GABRB2: variants seen among roughly 807,000 people sequenced by gnomAD.
GABRB2 encodes the protein gamma-aminobutyric acid type A receptor subunit beta2, also known as gamma-aminobutyric acid receptor subunit beta-2.
A neutral mutation model predicts 54.7 loss-of-function variants in GABRB2; 16 were observed. The ratio of observed to expected loss-of-function variants is 0.29; its 90% CI spans 0.20 to 0.44. The LOEUF (loss-of-function observed/expected upper bound fraction) is 0.44. Ranked by LOEUF, GABRB2 falls within the 20% of genes least tolerant of loss-of-function variation. The pLI is 1.00. For missense variants in GABRB2, 355 were observed against 644.0 expected, an observed-to-expected ratio of 0.55 and a Z score of 4.86; for synonymous variants, 244 against 233.8, an observed-to-expected ratio of 1.04 and a Z score of -0.40.
intron 4 of GABRB2, among the ~76,000 whole-genome samples, chr5:161,426,833 C>T (rs768242213): frequency 2.6e-5 from 4 of 151,954 alleles, no homozygotes; most frequent in African/African-American, 9.7e-5. Flanking sequence ...AAAGCGATCA[C>T]ACTTGATCTC....
At chr5:161,450,376 T>C (rs1757757347) in intron 4 of GABRB2, among the ~76,000 whole-genome samples, 1 of 152,198 alleles carries the variant, frequency 6.6e-6, no homozygotes, top group Non-Finnish European at 1.5e-5. Context: ...CCTCTTTAAG[T>C]GTTTTTTATT....
chr5:161,431,207 A>C (rs1461290929), intron 4 of GABRB2, among the ~76,000 whole-genome samples: 2 of 152,142 alleles, frequency 1.3e-5, no homozygotes, highest in Non-Finnish European at 2.9e-5. Flanking sequence ...AGTGCCTGTG[A>C]TAATTCAAAC....
Position 161,292,922 on chromosome 5 carries a change from C to T in GABRB2, c.*1159G>A, listed in dbSNP as rs1757275885. The T allele has an allele frequency of 6.6e-6, 1 of 152,124 alleles. No individual in the cohort carries two copies. Among genetic ancestry groups the T allele is most frequent in the Non-Finnish European group, 1.5e-5 (1 of 68,022 alleles). 9.4% of individuals were successfully genotyped at this position (152,124 alleles called of 1,614,324 possible). A position where few individuals can be genotyped will look rare whatever the true frequency, so the allele number is the denominator to read the frequency against. On this transcript the variant is annotated 3_prime_UTR_variant, in exon 10 of 10. Coordinates refer to ENST00000393959, the MANE Select transcript of GABRB2 (RefSeq NM_001371727.1). ...AAGCAAAAAAAAAGCTGGAGAGGAC[C>T]ATGAATCCTTTAAAGTGATGAACAA...
At chr5:161,338,530 G>A (rs980255591) in intron 5 of GABRB2, among the ~76,000 whole-genome samples, 1 of 152,128 alleles carries the variant, frequency 6.6e-6, no homozygotes, top group African/African-American at 2.4e-5. Context: ...GCTCATGCCT[G>A]TAATCCCAGC....
intron 3 of GABRB2, among the ~76,000 whole-genome samples, chr5:161,470,763 G>A (rs1020742554): frequency 6.6e-6 from 1 of 151,782 alleles, no homozygotes; most frequent in Non-Finnish European, 1.5e-5. Context: ...AATATTTTCG[G>A]ACAGTGGTTG....
intron 9 of GABRB2, among the ~76,000 whole-genome samples, chr5:161,296,587 T>G (rs1757386918): frequency 6.6e-6 from 1 of 152,196 alleles, no homozygotes; most frequent in East Asian, 1.9e-4. Flanking sequence ...TGGGTTTCTG[T>G]TTCATTATCC....
chr5:161,323,582 A>G (rs1561607424), intron 9 of GABRB2, among the ~76,000 whole-genome samples: 1 of 152,038 alleles, frequency 6.6e-6, no homozygotes, highest in South Asian at 2.1e-4. Flanking sequence ...CCTCAGTTTG[A>G]GCTGGGTGTT....
chr5:161,489,032 A>G (rs1052888618), intron 3 of GABRB2, among the ~76,000 whole-genome samples: 2 of 151,754 alleles, frequency 1.3e-5, no homozygotes, highest in African/African-American at 4.8e-5. Flanking sequence ...AGACATGCTG[A>G]AATTTAAGCT....
intron 7 of GABRB2, 123 bp downstream of exon 7, chr5:161,334,629 T>TA: frequency 2.2e-6 from 2 of 908,782 alleles, no homozygotes; most frequent in Non-Finnish European, 3.4e-6. Flanking sequence ...GCGAAACTCT[T>TA]ACAGTGTGAG....
intron 5 of GABRB2, among the ~76,000 whole-genome samples, chr5:161,391,453 A>T (rs1408458796): frequency 1.5e-4 from 23 of 152,268 alleles, no homozygotes; most frequent in Admixed American, 1.4e-3. Context: ...AACTTATTTA[A>T]TCACTGAGAT....
At chr5:161,541,442 TG>T (rs1364481542) in intron 3 of GABRB2, among the ~76,000 whole-genome samples, 1 of 152,346 alleles carries the variant, frequency 6.6e-6, no homozygotes, top group East Asian at 1.9e-4. Flanking sequence ...CAGTCTTAGA[TG>T]TCATCTTCTT....
intron 5 of GABRB2, among the ~76,000 whole-genome samples, chr5:161,358,644 G>A (rs1395065469): frequency 6.6e-6 from 1 of 152,202 alleles, no homozygotes; most frequent in African/African-American, 2.4e-5. Context: ...CAAGGACAAG[G>A]CAGAGCATGT....
chr5:161,442,291 C>A (rs1757489205), intron 4 of GABRB2, among the ~76,000 whole-genome samples: 1 of 151,956 alleles, frequency 6.6e-6, no homozygotes, highest in Non-Finnish European at 1.5e-5. Flanking sequence ...ATTGAATAAG[C>A]ATATGAATGA....
chr5:161,472,524 TG>T (rs1159157872), intron 3 of GABRB2, among the ~76,000 whole-genome samples: 1 of 140,914 alleles, frequency 7.1e-6, no homozygotes, highest in Admixed American at 7.4e-5. Context: ...ATTTCTCGGG[TG>T]GGGGTGGGGA....
intron 5 of GABRB2, among the ~76,000 whole-genome samples, chr5:161,355,307 TA>T (rs1754584706): frequency 6.7e-6 from 1 of 148,328 alleles, no homozygotes; most frequent in Non-Finnish European, 1.5e-5. Context: ...ATATGTTATA[TA>T]AAAATACATT....
intron 4 of GABRB2, among the ~76,000 whole-genome samples, chr5:161,414,156 C>A (rs1756595884): frequency 6.6e-6 from 1 of 152,058 alleles, no homozygotes; most frequent in South Asian, 2.1e-4. Flanking sequence ...TTGTAAGTGT[C>A]TTCTATTGGA....
At chr5:161,384,237 G>A (rs1038270918) in intron 5 of GABRB2, among the ~76,000 whole-genome samples, 23 of 152,078 alleles carry the variant, frequency 1.5e-4, no homozygotes, top group Non-Finnish European at 8.8e-5. Flanking sequence ...AATTGCAAAG[G>A]CCACTGCAAA....
chr5:161,345,551 G>C (rs1754298148), intron 5 of GABRB2, among the ~76,000 whole-genome samples: 1 of 151,918 alleles, frequency 6.6e-6, no homozygotes, highest in African/African-American at 2.4e-5. Flanking sequence ...TCAAGGTTCT[G>C]GTTCAAGTTA....
chr5:161,349,622 C>T (rs987806793), intron 5 of GABRB2, among the ~76,000 whole-genome samples: 6 of 152,040 alleles, frequency 3.9e-5, no homozygotes, highest in Non-Finnish European at 7.4e-5. Context: ...TCCAGGATTT[C>T]CTTGCAGCCT....
Sources: gnomAD v4.1 joint callset for allele counts (sites outside exome capture counted in the v4.1 genomes callset) on GRCh38, gnomAD v4.1.1 for gene constraint, MANE v1.5 for transcripts, NCBI Gene and HGNC (gene_info 2026-07-23, HGNC 2026-07-21) for gene names.